TTC29: variants seen among roughly 807,000 people sequenced by gnomAD.
The protein encoded by TTC29 is tetratricopeptide repeat domain 29.
A neutral mutation model predicts 58.1 loss-of-function variants in TTC29; 49 were observed. The observed-to-expected ratio is 0.84, with a 90% CI of 0.67 to 1.07. The LOEUF is 1.07. Ranked by LOEUF, TTC29 falls within the 50% of genes least tolerant of loss-of-function variation. The pLI is 0.00. For missense variants in TTC29, 582 were observed against 555.6 expected, an observed-to-expected ratio of 1.05 and a Z score of -0.48; for synonymous variants, 209 against 196.8, an observed-to-expected ratio of 1.06 and a Z score of -0.52.
At chr4:146,708,308 TTATATATATATATATATATATATATATA>T (rs59963230) in intron 11 of TTC29, among the ~76,000 whole-genome samples, 7 of 62,220 alleles carry the variant, frequency 1.1e-4, no homozygotes, top group Admixed American at 1.1e-3. Context: ...TATGGGAAGT[TTATATATATATATATATATATATATATA>T]TATATATATA....
rs59963230 is a variant in TTC29 at position 146,708,308 on chromosome 4, T to TTA, written c.1331-759_1331-758dup. On this transcript the variant is annotated intron_variant, in intron 11 of 12. Coordinates refer to ENST00000325106, the MANE Select transcript of TTC29 (RefSeq NM_031956.4). Reference sequence around the variant, plus strand: ...AATAATGAAGTCAAATATGGGAAGTTTATATATATATATATATATATATAT... The same window carrying TTA: ...AATAATGAAGTCAAATATGGGAAGTTTATATATATATATATATATATATATAT... 5.1e-3 allele frequency among the ~76,000 whole-genome samples: 317 copies of TTA among 62,132 alleles called. 4 individuals are homozygous for TTA. Among genetic ancestry groups the TTA allele is most frequent in the African/African-American group, 0.011 (121 of 10,756 alleles). The allele number at this position is 62,132 out of a possible 152,430, so 40.8% of individuals were successfully genotyped here.
intron 11 of TTC29, among the ~76,000 whole-genome samples, chr4:146,731,462 T>C (rs138213136): frequency 2.2e-3 from 338 of 152,216 alleles, no homozygotes; most frequent in African/African-American, 7.9e-3. Flanking sequence ...TTCAGAAACA[T>C]TCAATTGTAA....
At chr4:146,819,189 T>C (rs1466635944) in intron 10 of TTC29, among the ~76,000 whole-genome samples, 1 of 151,482 alleles carries the variant, frequency 6.6e-6, no homozygotes, top group Non-Finnish European at 1.5e-5. Context: ...GTAAAGCACA[T>C]ACGTTAACTT....
chr4:146,707,271 C>T (rs1742025795), intron 12 of TTC29, 83 bp from the exon 13 acceptor site: 4 of 1,022,806 alleles, frequency 3.9e-6, no homozygotes, highest in East Asian at 2.7e-5. Flanking sequence ...AATTTGTTTT[C>T]TGTAATTTTC....
chr4:146,749,311 A>G (rs1745790337), intron 11 of TTC29, among the ~76,000 whole-genome samples: 2 of 152,164 alleles, frequency 1.3e-5, no homozygotes, highest in Admixed American at 6.5e-5. Flanking sequence ...ACCCTGTCTC[A>G]AAACAAACTA....
chr4:146,936,373 A>G (rs1186822770), intron 4 of TTC29, among the ~76,000 whole-genome samples: 1 of 152,298 alleles, frequency 6.6e-6, no homozygotes, highest in East Asian at 1.9e-4. Context: ...AATTCCAATT[A>G]TTAAGCCAAT....
At chr4:146,856,963 T>G (rs1049532438) in intron 8 of TTC29, among the ~76,000 whole-genome samples, 1 of 151,900 alleles carries the variant, frequency 6.6e-6, no homozygotes, top group African/African-American at 2.4e-5. Flanking sequence ...TCCCCAAGTA[T>G]TAAAACATAT....
At chr4:146,934,799 C>T (rs983758471) in intron 4 of TTC29, among the ~76,000 whole-genome samples, 2 of 152,052 alleles carry the variant, frequency 1.3e-5, no homozygotes, top group Admixed American at 6.6e-5. Context: ...TGGTCAAATG[C>T]TGTGAAGACA....
chr4:146,736,650 TGATG>T (rs1412505443), intron 11 of TTC29, among the ~76,000 whole-genome samples: 1 of 152,238 alleles, frequency 6.6e-6, no homozygotes, highest in South Asian at 2.1e-4. Context: ...AATTTCCACT[TGATG>T]GACATTTAAC....
intron 4 of TTC29, among the ~76,000 whole-genome samples, chr4:146,911,371 A>T (rs1317788122): frequency 6.6e-6 from 1 of 152,184 alleles, no homozygotes; most frequent in African/African-American, 2.4e-5. Flanking sequence ...CTGAAGGAAG[A>T]CACAGCTAAA....
chr4:146,907,608 C>G (rs903366611), intron 5 of TTC29, among the ~76,000 whole-genome samples: 1 of 152,174 alleles, frequency 6.6e-6, no homozygotes, highest in Non-Finnish European at 1.5e-5. Context: ...AAGCAATTCC[C>G]TGCCTCAGCC....
At chr4:146,924,818 T>C (rs1734819679) in intron 4 of TTC29, among the ~76,000 whole-genome samples, 1 of 151,974 alleles carries the variant, frequency 6.6e-6, no homozygotes, top group African/African-American at 2.4e-5. Context: ...ATTTTGGATA[T>C]TTATATTTTT....
chr4:146,737,603 G>C (rs1040031613), intron 11 of TTC29, among the ~76,000 whole-genome samples: 1 of 137,576 alleles, frequency 7.3e-6, no homozygotes, highest in Non-Finnish European at 1.6e-5. Context: ...GGGGGGGGGG[G>C]CTACAAACGG....
chr4:146,944,646 T>G (rs536743764), intron 2 of TTC29, among the ~76,000 whole-genome samples: 134 of 152,250 alleles, frequency 8.8e-4, no homozygotes, highest in African/African-American at 3.2e-3. Context: ...ATAAAGCCAG[T>G]AAACCACAGT....
intron 6 of TTC29, among the ~76,000 whole-genome samples, chr4:146,897,730 C>T (rs368321496): frequency 1.3e-5 from 2 of 152,328 alleles, no homozygotes; most frequent in East Asian, 3.9e-4. Flanking sequence ...ATGCTGCTCC[C>T]AGTTGGTCTG....
intron 6 of TTC29, among the ~76,000 whole-genome samples, chr4:146,892,548 C>G (rs1732448559): frequency 6.6e-6 from 1 of 152,154 alleles, no homozygotes; most frequent in African/African-American, 2.4e-5. Context: ...ATAATAAGAG[C>G]TATCTATGAC....
At chr4:146,938,962 C>A (rs1341848583) in intron 3 of TTC29, among the ~76,000 whole-genome samples, 1 of 152,150 alleles carries the variant, frequency 6.6e-6, no homozygotes, top group African/African-American at 2.4e-5. Flanking sequence ...GTATCAATTT[C>A]TCTGTCCTGC....
chr4:146,891,301 A>G (rs1430650494), intron 6 of TTC29, among the ~76,000 whole-genome samples: 1 of 152,178 alleles, frequency 6.6e-6, no homozygotes, highest in Non-Finnish European at 1.5e-5. Flanking sequence ...TCCACTTAAA[A>G]AATGTTAATT....
At chr4:146,814,798 G>T (rs1022219960) in intron 10 of TTC29, among the ~76,000 whole-genome samples, 8 of 151,382 alleles carry the variant, frequency 5.3e-5, no homozygotes. Context: ...TAAGGGGAAG[G>T]CCCCACTGAA....
Sources: allele counts gnomAD v4.1 joint callset (sites outside exome capture counted in the v4.1 genomes callset), GRCh38; gene constraint gnomAD v4.1.1; transcripts MANE v1.5; gene names NCBI Gene and HGNC (gene_info 2026-07-23, HGNC 2026-07-21).